C8orf34: variants seen among roughly 807,000 people sequenced by gnomAD.
C8orf34 encodes the protein uncharacterized protein C8orf34.
A neutral mutation model predicts 68.3 loss-of-function variants in C8orf34; 65 were observed. The observed-to-expected ratio is 0.95, with a 90% confidence interval of 0.78 to 1.17. The LOEUF is 1.17. C8orf34 is among the 50% of genes most tolerant of loss of function. The probability of loss-of-function intolerance (pLI) is 0.00; values close to 1 mark genes in which losing one functional copy is unlikely to be tolerated. For synonymous variants in C8orf34, 244 were observed against 241.2 expected (o/e 1.01, Z -0.11); for missense variants, 664 against 655.4 (o/e 1.01, Z -0.14).
chr8:68,771,323 G>A (rs561342701), intron 10 of C8orf34, among the ~76,000 whole-genome samples: 4 of 152,206 alleles, frequency 2.6e-5, no homozygotes, highest in South Asian at 2.1e-4. Flanking sequence ...GCTGAATTTC[G>A]ATCTCTTCAT....
intron 10 of C8orf34, among the ~76,000 whole-genome samples, chr8:68,732,454 T>C (rs1054270551): frequency 1.3e-5 from 2 of 152,118 alleles, no homozygotes; most frequent in Non-Finnish European, 2.9e-5. Context: ...TTCCTGGCCA[T>C]ATTTCTTTCG....
chr8:68,494,955 T>G (rs980330466), intron 5 of C8orf34, among the ~76,000 whole-genome samples: 1 of 151,412 alleles, frequency 6.6e-6, no homozygotes, highest in African/African-American at 2.4e-5. Context: ...TGCGTGTATA[T>G]GTATATATTC....
At chr8:68,595,985 C>T (rs1440739480) in intron 7 of C8orf34, among the ~76,000 whole-genome samples, 1 of 152,060 alleles carries the variant, frequency 6.6e-6, no homozygotes, top group African/African-American at 2.4e-5. Flanking sequence ...TTTCCAATAT[C>T]ACCCTTTATG....
intron 1 of C8orf34, among the ~76,000 whole-genome samples, chr8:68,419,950 C>T (rs1369344913): frequency 7.2e-6 from 1 of 139,382 alleles, no homozygotes; most frequent in East Asian, 2.1e-4. Flanking sequence ...GCACATTGTG[C>T]ACATGTACCC....
At chr8:68,645,891 G>A (rs1169964769) in intron 8 of C8orf34, among the ~76,000 whole-genome samples, 4 of 152,138 alleles carry the variant, frequency 2.6e-5, no homozygotes, top group South Asian at 2.1e-4. Flanking sequence ...TAAATAGGGC[G>A]CTTTGGCATG....
chr8:68,619,073 AT>A (rs1027142953), intron 7 of C8orf34, among the ~76,000 whole-genome samples: 74 of 152,202 alleles, frequency 4.9e-4, no homozygotes, highest in African/African-American at 1.7e-3. Context: ...TCCACCTGTA[AT>A]CCCAGCACTT....
rs1486850943 is a variant in C8orf34, at chr8:68,521,985, T to C, written c.938+14T>C. 9.9e-6 allele frequency: 16 copies of C among 1,610,076 alleles called. No individual in the cohort carries two copies. The highest frequency in any genetic ancestry group is 1.4e-5 in the Non-Finnish European group (16 of 1,177,394). On this transcript the variant is annotated intron_variant, in intron 6 of 13. Transcript: ENST00000518698. Reference sequence around the variant, plus strand: ...TCCTGCAGGAAGGTGAGATGAGCTGTCTGCTGAGATTCTATATTACTAGTC... The same window carrying C: ...TCCTGCAGGAAGGTGAGATGAGCTGCCTGCTGAGATTCTATATTACTAGTC...
chr8:68,387,025 A>C (rs1374012436), intron 1 of C8orf34, among the ~76,000 whole-genome samples: 2 of 151,962 alleles, frequency 1.3e-5, no homozygotes, highest in Admixed American at 6.6e-5. Context: ...GAGGTATTCC[A>C]AGCTGAAGGA....
intron 12 of C8orf34, among the ~76,000 whole-genome samples, chr8:68,802,189 C>T (rs182849635): frequency 1.3e-5 from 2 of 152,226 alleles, no homozygotes; most frequent in Admixed American, 6.5e-5. Flanking sequence ...CAACCTCTCC[C>T]TCCCAAGTTC....
intron 1 of C8orf34, among the ~76,000 whole-genome samples, chr8:68,425,456 T>G (rs1238389834): frequency 6.6e-6 from 1 of 152,200 alleles, no homozygotes; most frequent in Non-Finnish European, 1.5e-5. Flanking sequence ...TGAATTTCTG[T>G]ATACTGACAA....
chr8:68,626,445 C>T (rs954648254), intron 7 of C8orf34, among the ~76,000 whole-genome samples: 5 of 152,108 alleles, frequency 3.3e-5, no homozygotes, highest in Non-Finnish European at 5.9e-5. Flanking sequence ...AAATTTAGAG[C>T]GTGGATGCAG....
At chr8:68,443,821 T>C (rs1811012163) in intron 2 of C8orf34, among the ~76,000 whole-genome samples, 1 of 152,194 alleles carries the variant, frequency 6.6e-6, no homozygotes, top group South Asian at 2.1e-4. Context: ...TTTAGCAACA[T>C]GGGACACAAC....
intron 1 of C8orf34, among the ~76,000 whole-genome samples, chr8:68,432,123 G>A (rs1810475544): frequency 6.6e-6 from 1 of 151,848 alleles, no homozygotes; most frequent in Non-Finnish European, 1.5e-5. Context: ...TTGTTGGTGA[G>A]GGTCAGATGT....
At chr8:68,800,829 A>C (rs114563474) in intron 12 of C8orf34, among the ~76,000 whole-genome samples, 1 of 152,160 alleles carries the variant, frequency 6.6e-6, no homozygotes, top group African/African-American at 2.4e-5. Context: ...AATTCTACAG[A>C]AGTTAGCACA....
chr8:68,411,992 A>T (rs1163276468), intron 1 of C8orf34, among the ~76,000 whole-genome samples: 1 of 152,190 alleles, frequency 6.6e-6, no homozygotes, highest in Non-Finnish European at 1.5e-5. Flanking sequence ...AGTCCCCTTA[A>T]AAAGGACCTG....
At chr8:68,797,538 C>A (rs1292691849) in intron 12 of C8orf34, among the ~76,000 whole-genome samples, 2 of 135,644 alleles carry the variant, frequency 1.5e-5, no homozygotes, top group Non-Finnish European at 3.1e-5. Context: ...AGGTTTTTCA[C>A]CTTTAAAAAA....
At chr8:68,766,127 G>A (rs145518887) in intron 10 of C8orf34, among the ~76,000 whole-genome samples, 104 of 152,220 alleles carry the variant, frequency 6.8e-4, no homozygotes, top group African/African-American at 2.4e-3. Context: ...TAGTAATACC[G>A]CTTATCTGAA....
intron 7 of C8orf34, among the ~76,000 whole-genome samples, chr8:68,572,258 C>T (rs954022000): frequency 2.0e-5 from 3 of 151,950 alleles, no homozygotes; most frequent in African/African-American, 7.3e-5. Flanking sequence ...CACACACACA[C>T]ACACACAGTA....
In C8orf34 at chr8:68,737,250, T is replaced by C. The variant is rs569302967; in HGVS notation, c.1404+15813T>C. On this transcript the variant is annotated intron_variant, in intron 10 of 13. Transcript: ENST00000518698. ...AAATTGCTCCATATCTTCAACTTCT[T>C]TGTCCATTGCTGCTTCCATTTTCTG... Among the ~76,000 whole-genome samples, 92 of 152,216 alleles carry C rather than the reference T, an allele frequency of 6.0e-4. 1 individual carries two copies. In the Middle Eastern group the frequency reaches 0.01, roughly 17 times the overall value.
Sources: allele counts gnomAD v4.1 joint callset (sites outside exome capture counted in the v4.1 genomes callset), GRCh38; gene constraint gnomAD v4.1.1; transcripts MANE v1.5; gene names NCBI Gene and HGNC (gene_info 2026-07-23, HGNC 2026-07-21).